Variants in EEFSEC observed in about 807,000 individuals in gnomAD.
EEFSEC encodes the protein selenocysteine-specific elongation factor.
Under a neutral mutation model 42.1 loss-of-function variants are expected in EEFSEC, and 43 were observed. The ratio of observed to expected loss-of-function variants is 1.02; its 90% CI spans 0.80 to 1.32. EEFSEC has a LOEUF of 1.32. EEFSEC is among the 40% of genes most tolerant of loss of function. The pLI, the probability that EEFSEC is intolerant of heterozygous loss-of-function variation, is 0.00. For synonymous variants in EEFSEC, 354 were observed against 339.1 expected, an observed-to-expected ratio of 1.04 and a Z score of -0.48; for missense variants, 745 against 803.6, an observed-to-expected ratio of 0.93 and a Z score of 0.88.
intron 4 of EEFSEC, among the ~76,000 whole-genome samples, chr3:128,304,636 A>C (rs1378761993): frequency 6.6e-6 from 1 of 151,670 alleles, no homozygotes; most frequent in African/African-American, 2.4e-5. Flanking sequence ...TTATTTGCTT[A>C]TCTTATTACA....
chr3:128,399,209 C>T (rs891571657), intron 6 of EEFSEC, among the ~76,000 whole-genome samples: 1 of 152,240 alleles, frequency 6.6e-6, no homozygotes, highest in South Asian at 2.1e-4. Flanking sequence ...TTACATGGTG[C>T]GGGAAAGATT....
At chr3:128,420,941 G>A in the EEFSEC span, among the ~76,000 whole-genome samples, 2 of 152,136 alleles carry the variant, frequency 1.3e-5, no homozygotes, top group Non-Finnish European at 1.5e-5. Context: ...CCTGCCATCC[G>A]GACCCACCAC....
chr3:128,203,001 T>A (rs1191584153), intron 1 of EEFSEC, among the ~76,000 whole-genome samples: 1 of 152,230 alleles, frequency 6.6e-6, no homozygotes, highest in African/African-American at 2.4e-5. Context: ...TAAATTTCCC[T>A]CTAAACATTA....
chr3:128,237,369 G>C (rs548057929), intron 1 of EEFSEC, among the ~76,000 whole-genome samples: 1 of 151,574 alleles, frequency 6.6e-6, no homozygotes, highest in African/African-American at 2.4e-5. Flanking sequence ...CTTTCTTTCA[G>C]TACTTTTTTG....
At chr3:128,277,700 T>C (rs142598424) in intron 4 of EEFSEC, among the ~76,000 whole-genome samples, 1 of 152,340 alleles carries the variant, frequency 6.6e-6, no homozygotes, top group African/African-American at 2.4e-5. Context: ...CGCATTTGCC[T>C]ACCTGCTGGA....
At chr3:128,412,307 G>A (rs1258129246), downstream of EEFSEC, among the ~76,000 whole-genome samples, 2 of 152,242 alleles carry the variant, frequency 1.3e-5, no homozygotes. Context: ...GTCAGTCCGA[G>A]CTCACTCTGG....
intron 6 of EEFSEC, among the ~76,000 whole-genome samples, chr3:128,371,350 A>G (rs1576679205): frequency 6.6e-6 from 1 of 152,098 alleles, no homozygotes. Context: ...CTGGGGCTGG[A>G]CCATCCTCTA....
chr3:128,358,345 G>A lies in EEFSEC; in HGVS notation c.1572G>A (p.Gln524=), dbSNP rs1482527830. 6.2e-7 allele frequency: 1 copy of A among 1,614,256 alleles called. No homozygotes were observed. Among genetic ancestry groups the A allele is most frequent in the Admixed American group, 1.7e-5 (1 of 60,036 alleles). The change falls in exon 6 of 7, where the codon CAG becomes CAA. Residue 524 remains glutamine, a synonymous_variant. Coordinates refer to ENST00000254730, the MANE Select transcript of EEFSEC (RefSeq NM_021937.5). ...ELGIIDSAFG[Q]SGKFKIHIPG... ...GCATCATCGACAGTGCCTTCGGCCAGAGCGGCAAGTTCAAGATCCACATCC... is the reference window on the plus strand; with the variant it reads ...GCATCATCGACAGTGCCTTCGGCCAAAGCGGCAAGTTCAAGATCCACATCC...
chr3:128,169,514 C>G lies in EEFSEC; in HGVS notation c.316+15691C>G, dbSNP rs571152404. ...GGCCAGCCTTCTGGATATGCCTGGT[C>G]TCACTATGGCTATCCTATTGGCCTT... is the stretch of plus-strand genomic sequence containing the variant. On this transcript the variant is annotated intron_variant, in intron 1 of 6. Transcript: ENST00000254730. Among the ~76,000 whole-genome samples, 3 of 152,338 alleles carry G rather than the reference C, an allele frequency of 2.0e-5. No individual in the cohort carries two copies. In the East Asian group the frequency reaches 5.8e-4, roughly 29 times the overall value.
chr3:128,385,411 A>G (rs928500542), intron 6 of EEFSEC, among the ~76,000 whole-genome samples: 5 of 152,210 alleles, frequency 3.3e-5, no homozygotes, highest in African/African-American at 1.2e-4. Flanking sequence ...ATGCAGGCCC[A>G]CATTTTAAAA....
At chr3:128,192,607 G>A (rs764589457) in intron 1 of EEFSEC, among the ~76,000 whole-genome samples, 1 of 152,166 alleles carries the variant, frequency 6.6e-6, no homozygotes, top group African/African-American at 2.4e-5. Context: ...TCTGTAGCTT[G>A]TCTTTTTCTT....
intron 3 of EEFSEC, 152 bp downstream of exon 3, chr3:128,262,376 C>G: frequency 3.1e-6 from 2 of 646,260 alleles, no homozygotes; most frequent in South Asian, 3.9e-5. Flanking sequence ...CACCTTAGCA[C>G]AACTCCCCCA....
intron 1 of EEFSEC, among the ~76,000 whole-genome samples, chr3:128,170,866 T>C (rs1040216644): frequency 4.7e-4 from 72 of 152,350 alleles, no homozygotes; most frequent in African/African-American, 1.5e-3. Flanking sequence ...AATGAATATT[T>C]TCTAGGAAAG....
chr3:128,200,289 G>C (rs2065630494), intron 1 of EEFSEC, among the ~76,000 whole-genome samples: 1 of 151,842 alleles, frequency 6.6e-6, no homozygotes, highest in Non-Finnish European at 1.5e-5. Flanking sequence ...ACTCTAACAT[G>C]AATCTCTTTT....
intron 1 of EEFSEC, among the ~76,000 whole-genome samples, chr3:128,202,004 T>G (rs1298987812): frequency 2.0e-5 from 3 of 152,354 alleles, no homozygotes; most frequent in African/African-American, 7.2e-5. Flanking sequence ...CATAACCATT[T>G]AAGTGTAGGT....
chr3:128,308,194 T>A (rs559140187), intron 4 of EEFSEC, among the ~76,000 whole-genome samples: 1 of 152,374 alleles, frequency 6.6e-6, no homozygotes, highest in East Asian at 1.9e-4. Flanking sequence ...GAGGCCAAGC[T>A]TGGCCGTAGC....
chr3:128,187,435 T>C lies in EEFSEC; in HGVS notation c.316+33612T>C, dbSNP rs564159359. Among the ~76,000 whole-genome samples, 158 of 152,346 alleles carry C rather than the reference T, an allele frequency of 1.0e-3. 2 individuals are homozygous for C. Among genetic ancestry groups the C allele is most frequent in the African/African-American group, 3.7e-3 (152 of 41,590 alleles). On this transcript the variant is annotated intron_variant, in intron 1 of 6. Transcript: ENST00000254730. ...GCTTCTGTGAGGTACCTGGAATCCT[T>C]CTTGTAAACCCTCCTTTTTGTTTAC...
At chr3:128,353,399 T>G (rs1282851334) in intron 5 of EEFSEC, among the ~76,000 whole-genome samples, 1 of 152,098 alleles carries the variant, frequency 6.6e-6, no homozygotes, top group Non-Finnish European at 1.5e-5. Context: ...GATGGTGAAG[T>G]GTTTGGGCCC....
intron 2 of EEFSEC, among the ~76,000 whole-genome samples, chr3:128,259,952 G>A (rs4555544): frequency 0.58 from 87,660 of 151,814 alleles, 28,009 homozygotes; most frequent in Non-Finnish European, 0.73. Context: ...CTACTTTTTG[G>A]CTATTGTGAA....
Sources: gnomAD v4.1 joint callset for allele counts (sites outside exome capture counted in the v4.1 genomes callset) on GRCh38, gnomAD v4.1.1 for gene constraint, MANE v1.5 for transcripts, NCBI Gene and HGNC (gene_info 2026-07-23, HGNC 2026-07-21) for gene names.